The following LYRM4 variants were observed in gnomAD, a reference collection of about 807,000 sequenced individuals.
The protein encoded by LYRM4 is LYR motif containing 4.
A neutral mutation model predicts 11.7 loss-of-function variants in LYRM4; 9 were observed. The observed-to-expected ratio is 0.77, with a 90% CI of 0.46 to 1.34. The LOEUF is 1.34. LYRM4 is among the 40% of genes most tolerant of loss of function. LYRM4 has a pLI of 0.00. For synonymous variants in LYRM4, 42 were observed against 40.4 expected, an observed-to-expected ratio of 1.04 and a Z score of -0.15; for missense variants, 133 against 112.5, an observed-to-expected ratio of 1.18 and a Z score of -0.82.
the LYRM4 span, among the ~76,000 whole-genome samples, chr6:5,092,532 A>G: frequency 3.4e-5 from 5 of 148,406 alleles, no homozygotes; most frequent in Non-Finnish European, 7.4e-5. Context: ...CAATATGGTG[A>G]AACCCTTTCT....
chr6:5,239,158 A>T, intron 1 of LYRM4, among the ~76,000 whole-genome samples: 1 of 152,214 alleles, frequency 6.6e-6, no homozygotes, highest in East Asian at 1.9e-4. Context: ...AACAAAAAGC[A>T]ATCAACTCGT....
chr6:5,046,307 C>T, the LYRM4 span, among the ~76,000 whole-genome samples: 9 of 152,050 alleles, frequency 5.9e-5, no homozygotes, highest in Non-Finnish European at 1.5e-5. Context: ...CCACCACACC[C>T]GGCTAATTTT....
chr6:5,067,187 T>A, the LYRM4 span, among the ~76,000 whole-genome samples: 5 of 152,374 alleles, frequency 3.3e-5, no homozygotes, highest in African/African-American at 1.2e-4. Flanking sequence ...TCTTTCTAGA[T>A]CCTTCCTAAG....
chr6:5,128,629 CTTCCCTCCTCTT>C (rs1425554858), intron 2 of LYRM4, among the ~76,000 whole-genome samples: 3 of 152,042 alleles, frequency 2.0e-5, no homozygotes, highest in Admixed American at 1.3e-4. Context: ...GGAGAAGATG[CTTCCCTCCTCTT>C]TTCCCTCCTC....
intron 2 of LYRM4, among the ~76,000 whole-genome samples, chr6:5,210,366 C>T (rs1024481610): frequency 1.4e-4 from 22 of 151,982 alleles, no homozygotes; most frequent in Middle Eastern, 3.4e-3. Flanking sequence ...AGAGGGCTCG[C>T]GGGTGTAAAT....
the LYRM4 span, among the ~76,000 whole-genome samples, chr6:5,063,701 T>C: frequency 6.6e-6 from 1 of 152,192 alleles, no homozygotes; most frequent in Non-Finnish European, 1.5e-5. Context: ...AGATCACATG[T>C]GGGTGCCACC....
rs1300838939 is a variant in LYRM4 at position 5,245,107 on chromosome 6, AAAAAAAATATATATATATATAT to A, written c.86+15519_86+15540del. Among the ~76,000 whole-genome samples, 33 of 49,708 alleles carry A rather than the reference AAAAAAAATATATATATATATAT, an allele frequency of 6.6e-4. 1 individual carries two copies. Among genetic ancestry groups the A allele is most frequent in the African/African-American group, 1.8e-3 (21 of 11,742 alleles). 32.6% of individuals were successfully genotyped at this position (49,708 alleles called of 152,430 possible). On this transcript the variant is annotated intron_variant, in intron 1 of 2. Transcript: ENST00000330636. ...AAGACCTTAAAAAAAAAAAAAAAAA[AAAAAAAATATATATATATATAT>A]ATATATATATATATATATATATATA...
At chr6:5,111,122 A>G (rs187416181) in intron 2 of LYRM4, among the ~76,000 whole-genome samples, 1 of 152,284 alleles carries the variant, frequency 6.6e-6, no homozygotes, top group Admixed American at 6.5e-5. Context: ...TGAATAGTAC[A>G]TGGTTTTGTT....
At chr6:5,245,460 C>A (rs1438854517) in intron 1 of LYRM4, among the ~76,000 whole-genome samples, 1 of 151,948 alleles carries the variant, frequency 6.6e-6, no homozygotes, top group Non-Finnish European at 1.5e-5. Context: ...TTCTTACACC[C>A]ATGGAGGATG....
chr6:5,255,687 G>A (rs928354129), intron 1 of LYRM4, among the ~76,000 whole-genome samples: 6 of 152,104 alleles, frequency 3.9e-5, no homozygotes, highest in African/African-American at 1.4e-4. Flanking sequence ...AGCATCCGTA[G>A]CCACGAATTT....
intron 2 of LYRM4, among the ~76,000 whole-genome samples, chr6:5,185,557 A>G (rs1760340247): frequency 6.6e-6 from 1 of 152,178 alleles, no homozygotes; most frequent in Non-Finnish European, 1.5e-5. Context: ...TGGGCATTCA[A>G]TATGGTAAAA....
chr6:5,086,645 C>G, the LYRM4 span: 1 of 1,187,350 alleles, frequency 8.4e-7, no homozygotes, highest in South Asian at 1.6e-5. Context: ...CTTGCTGGGA[C>G]GCTTTGCTGA....
At chr6:5,035,289 A>T in the LYRM4 span, among the ~76,000 whole-genome samples, 4 of 151,880 alleles carry the variant, frequency 2.6e-5, no homozygotes, top group Non-Finnish European at 5.9e-5. Context: ...TTGCCTGAAG[A>T]TGCTTTTCCT....
the LYRM4 span, among the ~76,000 whole-genome samples, chr6:5,062,015 C>T: frequency 6.6e-6 from 1 of 151,300 alleles, no homozygotes; most frequent in Non-Finnish European, 1.5e-5. Context: ...CATTTTCTTC[C>T]TTCTATTCTC....
At chr6:5,181,606 C>T in intron 2 of LYRM4, among the ~76,000 whole-genome samples, 1 of 152,198 alleles carries the variant, frequency 6.6e-6, no homozygotes, top group East Asian at 1.9e-4. Context: ...CCCCTGCCTC[C>T]TGACCACGCC....
chr6:5,147,013 T>C (rs1455986368), intron 2 of LYRM4, among the ~76,000 whole-genome samples: 1 of 152,084 alleles, frequency 6.6e-6, no homozygotes, highest in East Asian at 1.9e-4. Context: ...CCCCATCATC[T>C]ATCCCCCAGA....
At chr6:5,158,982 A>C (rs1360158482) in intron 2 of LYRM4, among the ~76,000 whole-genome samples, 1 of 152,162 alleles carries the variant, frequency 6.6e-6, no homozygotes, top group East Asian at 1.9e-4. Flanking sequence ...TCATGCAGGC[A>C]GGTTCTGAAG....
chr6:5,256,518 A>AAAAAAAAAAAAAAAAAAAAAAAAAC (rs1764683892), intron 1 of LYRM4, among the ~76,000 whole-genome samples: 1 of 147,970 alleles, frequency 6.8e-6, no homozygotes, highest in Admixed American at 6.7e-5. Context: ...AAAAAAAAAA[A>AAAAAAAAAAAAAAAAAAAAAAAAAC]AAAAAAAAAA....
chr6:5,121,617 C>T (rs1763462083), intron 2 of LYRM4, among the ~76,000 whole-genome samples: 1 of 152,124 alleles, frequency 6.6e-6, no homozygotes, highest in Admixed American at 6.6e-5. Context: ...GTCACCAGGC[C>T]CTTCTGGGAA....
Sources: gnomAD v4.1 joint callset for allele counts (sites outside exome capture counted in the v4.1 genomes callset) on GRCh38, gnomAD v4.1.1 for gene constraint, MANE v1.5 for transcripts, NCBI Gene and HGNC (gene_info 2026-07-23, HGNC 2026-07-21) for gene names.